The following PLCG2 variants were observed in gnomAD, a reference collection of about 807,000 sequenced individuals.
PLCG2 encodes the protein 1-phosphatidylinositol 4,5-bisphosphate phosphodiesterase gamma-2.
PLCG2 carries 69 observed loss-of-function variants against 175.6 expected under a neutral mutation model. That is an observed-to-expected ratio of 0.39 (90% CI 0.32 to 0.48). PLCG2 has a LOEUF of 0.48. PLCG2 is among the 20% of genes least tolerant of loss of function. The pLI is 0.91. For synonymous variants in PLCG2, 827 were observed against 624.0 expected (o/e 1.33, Z -4.85); for missense variants, 1,798 against 1,650.9 (o/e 1.09, Z -1.54).
intron 2 of PLCG2, among the ~76,000 whole-genome samples, chr16:81,758,652 C>T (rs1909977415): frequency 6.6e-6 from 1 of 151,304 alleles, no homozygotes; most frequent in Admixed American, 6.7e-5. Context: ...CATATCCTCA[C>T]CAATACTTGT....
At chr16:81,833,648 T>G (rs1286442578) in intron 2 of PLCG2, among the ~76,000 whole-genome samples, 3 of 151,746 alleles carry the variant, frequency 2.0e-5, no homozygotes, top group Non-Finnish European at 4.4e-5. Context: ...TCCTACCTCA[T>G]CCTCCTGAGT....
intron 24 of PLCG2, 183 bp from the exon 25 acceptor site, chr16:81,931,314 C>G (rs899040354): frequency 2.2e-5 from 11 of 493,632 alleles, no homozygotes; most frequent in African/African-American, 1.7e-4. Flanking sequence ...TCTACTGCAT[C>G]CCTTGAGTAG....
chr16:81,943,353 TG>T (rs1911028401), intron 30 of PLCG2, among the ~76,000 whole-genome samples: 1 of 152,172 alleles, frequency 6.6e-6, no homozygotes, highest in African/African-American at 2.4e-5. Context: ...CATATTTACA[TG>T]GCCAGCAGGA....
At chr16:81,910,366 C>T (rs1475162640) in intron 17 of PLCG2, among the ~76,000 whole-genome samples, 154 bp from the exon 18 acceptor site, 1 of 152,344 alleles carries the variant, frequency 6.6e-6, no homozygotes, top group African/African-American at 2.4e-5. Flanking sequence ...GCTGGGATTA[C>T]AGGCATGAGC....
chr16:81,890,189 C>G (rs182258844), intron 10 of PLCG2, among the ~76,000 whole-genome samples: 48 of 152,302 alleles, frequency 3.2e-4, no homozygotes, highest in Non-Finnish European at 5.6e-4. Context: ...AGTTGCTAAT[C>G]TTGTAACCTC....
intron 5 of PLCG2, among the ~76,000 whole-genome samples, chr16:81,860,815 C>G (rs1292796046): frequency 6.6e-6 from 1 of 151,868 alleles, no homozygotes; most frequent in Non-Finnish European, 1.5e-5. Flanking sequence ...TACTAAAATA[C>G]AAAAAATTAG....
intron 2 of PLCG2, among the ~76,000 whole-genome samples, chr16:81,843,040 G>A (rs1164012986): frequency 6.6e-6 from 1 of 151,416 alleles, no homozygotes; most frequent in Middle Eastern, 3.2e-3. Context: ...GCTGGGAAGG[G>A]GGTGGGGTTG....
At position 81,959,701 on chromosome 16, in the gene PLCG2, G is replaced by C. The variant is rs1911710437; in HGVS notation, c.*1703G>C. On this transcript the variant is annotated 3_prime_UTR_variant, in exon 33 of 33. Coordinates refer to ENST00000564138, the MANE Select transcript of PLCG2 (RefSeq NM_002661.5). ...TCAAAGCAACTTTCAAGAAAGGCTA[G>C]GTGAGAAAGGCACTGGGATGAGTGC... 1 of 184,672 alleles carries C rather than the reference G, an allele frequency of 5.4e-6. No individual in the cohort carries two copies. The highest frequency in any genetic ancestry group is 2.3e-5 in the African/African-American group (1 of 42,620). The allele number at this position is 184,672 out of a possible 1,614,324, so 11.4% of individuals were successfully genotyped here.
At chr16:81,882,604 A>C (rs1020098077) in intron 8 of PLCG2, among the ~76,000 whole-genome samples, 2 of 151,184 alleles carry the variant, frequency 1.3e-5, no homozygotes, top group African/African-American at 4.9e-5. Flanking sequence ...TTGCTCTGCA[A>C]TCCCTCCCTC....
At chr16:81,761,670 G>A (rs555534526) in intron 2 of PLCG2, among the ~76,000 whole-genome samples, 21 of 152,246 alleles carry the variant, frequency 1.4e-4, no homozygotes, top group African/African-American at 5.1e-4. Flanking sequence ...ACAGACATAA[G>A]GCTTAGAACC....
chr16:81,896,607 C>G (rs552379196), intron 13 of PLCG2, among the ~76,000 whole-genome samples: 1 of 150,790 alleles, frequency 6.6e-6, no homozygotes, highest in Non-Finnish European at 1.5e-5. Flanking sequence ...AAACAAAAAC[C>G]AAAAAAAAAG....
At chr16:81,930,254 C>T (rs1021581611) in intron 24 of PLCG2, among the ~76,000 whole-genome samples, 1 of 152,120 alleles carries the variant, frequency 6.6e-6, no homozygotes, top group African/African-American at 2.4e-5. Context: ...GAAATCTTAG[C>T]TACTAATATT....
intron 2 of PLCG2, among the ~76,000 whole-genome samples, chr16:81,852,648 T>A (rs909526338): frequency 6.6e-6 from 1 of 152,166 alleles, no homozygotes; most frequent in African/African-American, 2.4e-5. Flanking sequence ...AACGGAAGGA[T>A]TTCTTACTTG....
At chr16:81,908,392 A>T (rs1248974423) in intron 16 of PLCG2, 24 bp from the exon 17 acceptor site, 6 of 1,605,694 alleles carry the variant, frequency 3.7e-6, no homozygotes, top group Non-Finnish European at 5.1e-6. Context: ...GCTTTCAGAA[A>T]CCCCTCCTCT....
At chr16:81,800,688 ATTG>A (rs1009116609) in intron 2 of PLCG2, among the ~76,000 whole-genome samples, 2 of 151,800 alleles carry the variant, frequency 1.3e-5, no homozygotes, top group African/African-American at 2.4e-5. Flanking sequence ...TATTATTATT[ATTG>A]TTATTTCCAA....
At chr16:81,939,109 C>A (rs1165513277) in intron 29 of PLCG2, among the ~76,000 whole-genome samples, 194 bp downstream of exon 29, 1 of 152,124 alleles carries the variant, frequency 6.6e-6, no homozygotes. Flanking sequence ...TAGACTTTCC[C>A]CAGTGCTGTT....
chr16:81,831,237 C>T (rs1208825304), intron 2 of PLCG2, among the ~76,000 whole-genome samples: 1 of 152,144 alleles, frequency 6.6e-6, no homozygotes, highest in Non-Finnish European at 1.5e-5. Flanking sequence ...GAATGTAATT[C>T]TTCGAGGCCA....
chr16:81,888,501 C>T (rs1355672599), intron 9 of PLCG2, among the ~76,000 whole-genome samples: 1 of 152,214 alleles, frequency 6.6e-6, no homozygotes, highest in Non-Finnish European at 1.5e-5. Flanking sequence ...TGGGTCTGAG[C>T]ACTTTCTGTG....
chr16:81,805,767 G>GTTTTGTTTTTT lies in PLCG2; in HGVS notation c.193+19589_193+19590insGTTTTTTTTTT, dbSNP rs1555508066. Among the ~76,000 whole-genome samples, 34 of 39,460 alleles carry GTTTTGTTTTTT rather than the reference G, an allele frequency of 8.6e-4. 6 individuals carry two copies. Among genetic ancestry groups the GTTTTGTTTTTT allele is most frequent in the African/African-American group, 1.8e-3 (15 of 8,162 alleles). The allele number at this position is 39,460 out of a possible 152,430, so 25.9% of individuals were successfully genotyped here. On this transcript the variant is annotated intron_variant, in intron 2 of 32. Transcript: ENST00000564138. ...AGCCATGAGAGTAGTGTTTTGTTTT[G>GTTTTGTTTTTT]TTTTTTTTTTTTTTTGTTTTTTTTT...
Sources: allele counts gnomAD v4.1 joint callset (sites outside exome capture counted in the v4.1 genomes callset), GRCh38; gene constraint gnomAD v4.1.1; transcripts MANE v1.5; gene names NCBI Gene and HGNC (gene_info 2026-07-23, HGNC 2026-07-21).